The following ZEB2 variants were observed in gnomAD, a reference collection of about 807,000 sequenced individuals.
ZEB2 encodes the protein zinc finger E-box-binding homeobox 2.
In ZEB2, 6 loss-of-function variants were observed where a neutral mutation model predicts 99.9. That is an observed-to-expected ratio of 0.06 (90% confidence interval 0.03 to 0.12). ZEB2 has a LOEUF of 0.12. ZEB2 is among the 10% of genes least tolerant of loss of function. The pLI is 1.00. For synonymous variants in ZEB2, 517 were observed against 542.5 expected, an observed-to-expected ratio of 0.95 and a Z score of 0.65; for missense variants, 969 against 1,502.8, an observed-to-expected ratio of 0.64 and a Z score of 5.87.
intron 2 of ZEB2, among the ~76,000 whole-genome samples, chr2:144,471,265 A>G (rs1203059897): frequency 1.3e-5 from 2 of 152,146 alleles, no homozygotes; most frequent in Non-Finnish European, 2.9e-5. Flanking sequence ...ACAATAAGTA[A>G]AAGAAGTGCT....
At chr2:144,422,628 C>T (rs149877823) in intron 4 of ZEB2, among the ~76,000 whole-genome samples, 120 of 152,200 alleles carry the variant, frequency 7.9e-4, no homozygotes, top group Middle Eastern at 3.4e-3. Context: ...GGTGAAACCC[C>T]GTCTCTACTA....
rs1044143415 is a variant in ZEB2, at chr2:144,517,811, G to C, written c.-69-392C>G. 4.4e-4 allele frequency: 278 copies of C among 635,416 alleles called. 1 individual carries two copies. The highest frequency in any genetic ancestry group is 6.3e-4 in the Non-Finnish European group (223 of 351,236). The allele number at this position is 635,416 out of a possible 1,614,324, so 39.4% of individuals were successfully genotyped here. A position where few individuals can be genotyped will look rare whatever the true frequency, so the allele number is the denominator to read the frequency against. On this transcript the variant is annotated intron_variant, in intron 1 of 9. Coordinates refer to ENST00000627532, the MANE Select transcript of ZEB2 (RefSeq NM_014795.4). The stretch of plus-strand genomic sequence containing the variant: ...TGGGGTGAGGCGAGGTTTTCTTTTC[G>C]TTCTCATCTTTTCTCATCCCCCCAC...
chr2:144,446,578 A>G (rs907656043), intron 2 of ZEB2, among the ~76,000 whole-genome samples: 2 of 152,202 alleles, frequency 1.3e-5, no homozygotes, highest in African/African-American at 4.8e-5. Context: ...CCAATTATCT[A>G]TCCAGTGCCT....
At chr2:144,429,534 T>C (rs2149891014) in intron 3 of ZEB2, 1 of 598,432 alleles carries the variant, frequency 1.7e-6, no homozygotes, top group African/African-American at 1.9e-5. Flanking sequence ...GTGTGGTTCA[T>C]GTTTGACTTG....
At chr2:144,495,927 T>A (rs1704751676) in intron 2 of ZEB2, 1 of 152,234 alleles carries the variant, frequency 6.6e-6, no homozygotes, top group Non-Finnish European at 1.5e-5. Context: ...GGAGTGGTTT[T>A]AAAGATAAAT....
chr2:144,461,969 C>T (rs981537466), intron 2 of ZEB2: 1 of 152,062 alleles, frequency 6.6e-6, no homozygotes, highest in Admixed American at 6.6e-5. Flanking sequence ...AAAGGAAATC[C>T]TCCACCCACC....
At chr2:144,401,974 C>G (rs1703317051) in intron 6 of ZEB2, among the ~76,000 whole-genome samples, 1 of 152,164 alleles carries the variant, frequency 6.6e-6, no homozygotes, top group African/African-American at 2.4e-5. Context: ...GATTCATTAT[C>G]AAACGTAAGA....
chr2:144,479,686 G>T (rs1329334686), intron 2 of ZEB2, among the ~76,000 whole-genome samples: 1 of 108,470 alleles, frequency 9.2e-6, no homozygotes, highest in African/African-American at 3.3e-5. Context: ...TTTTTTTTGG[G>T]GGGGGGGGCG....
intron 2 of ZEB2, among the ~76,000 whole-genome samples, chr2:144,435,821 C>T (rs1703829775): frequency 6.6e-6 from 1 of 151,930 alleles, no homozygotes; most frequent in Admixed American, 6.6e-5. Context: ...GTCTTCCCCA[C>T]AAAATTTCAA....
chr2:144,430,481 T>C (rs1410101517), intron 2 of ZEB2: 4 of 207,320 alleles, frequency 1.9e-5, no homozygotes, highest in East Asian at 1.4e-4. Flanking sequence ...CTAGAAACAG[T>C]AGACACACAC....
At chr2:144,392,407 T>C (rs927004154) in intron 9 of ZEB2, among the ~76,000 whole-genome samples, 16 of 152,256 alleles carry the variant, frequency 1.1e-4, no homozygotes, top group African/African-American at 3.6e-4. Flanking sequence ...GCTTCGGGCA[T>C]GCCCACTAAA....
chr2:144,512,314 G>A, intron 2 of ZEB2: 3 of 1,287,224 alleles, frequency 2.3e-6, no homozygotes, highest in South Asian at 2.5e-5. Flanking sequence ...GAATGCAGAT[G>A]ACAAAAACTG....
At chr2:144,405,192 T>C in intron 4 of ZEB2, 168 bp from the exon 5 acceptor site, 1 of 721,498 alleles carries the variant, frequency 1.4e-6, no homozygotes, top group East Asian at 2.7e-5. Flanking sequence ...ATGCTTATTC[T>C]TGCAATATAT....
At chr2:144,517,128 C>T (rs1307901236) in intron 2 of ZEB2, 150 bp downstream of exon 2, 2 of 783,674 alleles carry the variant, frequency 2.6e-6, no homozygotes, top group East Asian at 3.9e-5. Context: ...GCGCGCCGGG[C>T]TCCGGCGCCG....
intron 7 of ZEB2, 134 bp downstream of exon 7, chr2:144,401,065 G>T: frequency 1.3e-6 from 1 of 791,932 alleles, no homozygotes; most frequent in Non-Finnish European, 2.2e-6. Context: ...CACAAATCAG[G>T]CACACAGAGT....
chr2:144,490,667 G>T (rs1384344153), intron 2 of ZEB2, among the ~76,000 whole-genome samples: 1 of 152,184 alleles, frequency 6.6e-6, no homozygotes, highest in Non-Finnish European at 1.5e-5. Context: ...TGAAAGTGAA[G>T]TGCTTTCTGC....
chr2:144,513,954 G>A (rs140751858), intron 2 of ZEB2: 23 of 1,413,492 alleles, frequency 1.6e-5, no homozygotes, highest in Non-Finnish European at 1.9e-5. Context: ...TCTTGTCTGC[G>A]GGCAACTCGC....
chr2:144,441,223 T>C (rs1703913971), intron 2 of ZEB2, among the ~76,000 whole-genome samples: 2 of 119,076 alleles, frequency 1.7e-5, no homozygotes, highest in Non-Finnish European at 3.5e-5. Flanking sequence ...CATGCCTCCC[T>C]AGTATGCTTC....
intron 2 of ZEB2, chr2:144,494,661 T>C (rs911298248): frequency 2.0e-5 from 3 of 152,188 alleles, no homozygotes; most frequent in African/African-American, 7.2e-5. Context: ...ATTGATTCCT[T>C]TGAATTTACA....
Sources: gnomAD v4.1 joint callset for allele counts (sites outside exome capture counted in the v4.1 genomes callset) on GRCh38, gnomAD v4.1.1 for gene constraint, MANE v1.5 for transcripts, NCBI Gene and HGNC (gene_info 2026-07-23, HGNC 2026-07-21) for gene names.